Variants in MYPN observed in about 807,000 individuals in gnomAD.
The protein encoded by MYPN is sarcomeric protein myopalladin, 145 kDa (MYOP).
MYPN carries 63 observed loss-of-function variants against 129.4 expected under a neutral mutation model. The ratio of observed to expected loss-of-function variants is 0.49; its 90% CI spans 0.40 to 0.60. The LOEUF (loss-of-function observed/expected upper bound fraction) is 0.60. Among genes scored for constraint, MYPN ranks in the 20% least tolerant of loss-of-function variants. MYPN has a pLI of 0.00. For synonymous variants in MYPN, 629 were observed against 600.9 expected, an observed-to-expected ratio of 1.05 and a Z score of -0.68; for missense variants, 1,596 against 1,635.4, an observed-to-expected ratio of 0.98 and a Z score of 0.42.
intron 19 of MYPN, among the ~76,000 whole-genome samples, chr10:68,207,750 C>T (rs2043840764): frequency 6.6e-6 from 1 of 152,180 alleles, no homozygotes; most frequent in African/African-American, 2.4e-5. Flanking sequence ...ACCTTTAAAT[C>T]TCCCAGACCC....
intron 1 of MYPN, among the ~76,000 whole-genome samples, chr10:68,097,776 T>A (rs1404608252): frequency 7.7e-5 from 8 of 104,424 alleles, no homozygotes; most frequent in Non-Finnish European, 6.9e-5. Flanking sequence ...TATAGCTGAT[T>A]TAAAAAAAAA....
chr10:68,182,452 C>CTT (rs1554848301), intron 12 of MYPN, among the ~76,000 whole-genome samples: 3 of 116,230 alleles, frequency 2.6e-5, no homozygotes, highest in South Asian at 2.7e-4. Flanking sequence ...ATATATATAA[C>CTT]ATATATATAT....
intron 1 of MYPN, among the ~76,000 whole-genome samples, chr10:68,098,128 C>T (rs1016162958): frequency 7.9e-5 from 12 of 152,150 alleles, no homozygotes; most frequent in African/African-American, 2.9e-4. Context: ...CACCTGTAAT[C>T]CCAGCTACTT....
chr10:68,182,252 CACATATATATATA>C (rs1387329703), intron 12 of MYPN, among the ~76,000 whole-genome samples: 7 of 110,202 alleles, frequency 6.4e-5, no homozygotes, highest in African/African-American at 2.0e-4. Flanking sequence ...ATATATAACA[CACATATATATATA>C]ACATATATAT....
rs114853476 is a variant in MYPN, at chr10:68,202,262, C to T, written c.3659+268C>T. Among the ~76,000 whole-genome samples, 4,731 of 152,130 alleles carry T rather than the reference C, an allele frequency of 0.031. 247 individuals are homozygous for T. Among genetic ancestry groups the T allele is most frequent in the African/African-American group, 0.11 (4,448 of 41,482 alleles). On this transcript the variant is annotated intron_variant, in intron 18 of 19. Coordinates refer to ENST00000358913, the MANE Select transcript of MYPN (RefSeq NM_032578.4). ...CCTGGCTAACATAGTGAAACCCTAT[C>T]TTTACTAAAAAATACAAAAAATTAG...
chr10:68,209,585 A>G (rs1164133875), intron 19 of MYPN, among the ~76,000 whole-genome samples: 1 of 149,958 alleles, frequency 6.7e-6, no homozygotes, highest in African/African-American at 2.5e-5. Flanking sequence ...ACTGCCCCTA[A>G]CAGGTCTTCA....
At chr10:68,178,524 G>A (rs530022223) in intron 12 of MYPN, among the ~76,000 whole-genome samples, 122 of 152,034 alleles carry the variant, frequency 8.0e-4, no homozygotes, top group African/African-American at 2.7e-3. Context: ...AGACCAGCCT[G>A]GCCAACAGTG....
chr10:68,152,785 C>T (rs890797247), intron 6 of MYPN, among the ~76,000 whole-genome samples: 9 of 151,848 alleles, frequency 5.9e-5, no homozygotes, highest in African/African-American at 2.2e-4. Flanking sequence ...AGCAGGCGTC[C>T]ACCACCATGC....
chr10:68,205,528 A>G (rs985944127), intron 18 of MYPN, among the ~76,000 whole-genome samples: 1 of 151,852 alleles, frequency 6.6e-6, no homozygotes, highest in Non-Finnish European at 1.5e-5. Flanking sequence ...AAAAAAAAAA[A>G]AAAGAAAAAT....
At position 68,166,456 on chromosome 10, in the gene MYPN, C is replaced by T. The variant is rs199936299; in HGVS notation, c.1763C>T (p.Pro588Leu). The change falls in exon 10 of 20, where the codon CCC (proline) becomes CTC (leucine). Residue 588 changes from proline (P) to leucine (L), a missense_variant. Physicochemically the swap from Pro to Leu is moderately conservative, Grantham distance 98 (BLOSUM62 -3). Coordinates refer to ENST00000358913, the MANE Select transcript of MYPN (RefSeq NM_032578.4). ...LEGVLVNHNE[P>L]RSSSRIGLRV... ...GGGGTTCTGGTGAACCACAATGAGCCCCGGTCCAGCTCCAGGATTGGGCTT... is the reference window on the plus strand; with the variant it reads ...GGGGTTCTGGTGAACCACAATGAGCTCCGGTCCAGCTCCAGGATTGGGCTT... The T allele has an allele frequency of 2.5e-6, 4 of 1,614,122 alleles. No homozygotes were observed. The highest frequency in any genetic ancestry group is 4.5e-5 in the East Asian group (2 of 44,876).
Position 68,164,329 on chromosome 10 carries a change from C to T in MYPN, c.1484-1373C>T, listed in dbSNP as rs80123825. 3.9e-3 allele frequency among the ~76,000 whole-genome samples: 597 copies of T among 152,262 alleles called. 5 individuals carry two copies. Among genetic ancestry groups the T allele is most frequent in the African/African-American group, 0.014 (573 of 41,542 alleles). On this transcript the variant is annotated intron_variant, in intron 8 of 19. Coordinates refer to ENST00000358913, the MANE Select transcript of MYPN (RefSeq NM_032578.4). ...GAGGGGGCCACTCTTACTTTCATGA[C>T]GAACCCACTCCCAAGATAACAACAT... is the stretch of plus-strand genomic sequence containing the variant.
intron 19 of MYPN, among the ~76,000 whole-genome samples, chr10:68,207,183 A>G (rs1175234407): frequency 6.6e-6 from 1 of 152,158 alleles, no homozygotes; most frequent in Non-Finnish European, 1.5e-5. Context: ...GGTTGAACCC[A>G]GGAGGCAGAG....
At chr10:68,153,829 A>G (rs1222789857) in intron 6 of MYPN, among the ~76,000 whole-genome samples, 1 of 151,742 alleles carries the variant, frequency 6.6e-6, no homozygotes, top group East Asian at 1.9e-4. Flanking sequence ...TGCCCTATTT[A>G]CTTGTTTAGG....
At chr10:68,169,164 T>G (rs1589581309) in intron 10 of MYPN, among the ~76,000 whole-genome samples, 1 of 119,584 alleles carries the variant, frequency 8.4e-6, no homozygotes, top group Non-Finnish European at 1.6e-5. Flanking sequence ...GTTAACACGG[T>G]GAAACTCCGT....
rs71009012 is a variant in MYPN, at chr10:68,168,991, TAAAAA to T, written c.1973+2350_1973+2354del. On this transcript the variant is annotated intron_variant, in intron 10 of 19. Coordinates refer to ENST00000358913, the MANE Select transcript of MYPN (RefSeq NM_032578.4). ...TGGGCGACAGAATGAGATTATTTCTTAAAAAAAAAAAAAAAAAAAAAAAAAAAAAG... is the reference window on the plus strand; with the variant it reads ...TGGGCGACAGAATGAGATTATTTCTTAAAAAAAAAAAAAAAAAAAAAAAAG... Among the ~76,000 whole-genome samples the T allele has an allele frequency of 3.5e-3, 279 of 80,308 alleles. 1 individual carries two copies. Among genetic ancestry groups the T allele is most frequent in the African/African-American group, 0.011 (175 of 16,072 alleles). The allele number at this position is 80,308 out of a possible 152,430, so 52.7% of individuals were successfully genotyped here. A position where few individuals can be genotyped will look rare whatever the true frequency, so the allele number is the denominator to read the frequency against.
intron 6 of MYPN, 27 bp from the exon 7 acceptor site, chr10:68,158,459 C>G: frequency 1.2e-6 from 2 of 1,607,026 alleles, no homozygotes; most frequent in Non-Finnish European, 1.7e-6. Context: ...CTTTTTTGTT[C>G]TAACTACATT....
At chr10:68,182,829 A>G (rs545593094) in intron 12 of MYPN, among the ~76,000 whole-genome samples, 3 of 151,688 alleles carry the variant, frequency 2.0e-5, no homozygotes, top group Non-Finnish European at 2.9e-5. Context: ...ATTTTTAAAA[A>G]CTCATTGAGT....
upstream of MYPN, among the ~76,000 whole-genome samples, chr10:68,103,945 T>C (rs1289779315): frequency 1.3e-5 from 2 of 152,228 alleles, no homozygotes; most frequent in Non-Finnish European, 2.9e-5. Context: ...AGTGAAACTC[T>C]GTCTCAAACA....
At chr10:68,169,181 T>TAAAAAAAAAAAAAAAAAA (rs59317396) in intron 10 of MYPN, among the ~76,000 whole-genome samples, 1 of 91,084 alleles carries the variant, frequency 1.1e-5, no homozygotes, top group African/African-American at 6.7e-5. Flanking sequence ...CCGTCTCTAC[T>TAAAAAAAAAAAAAAAAAA]AAAAAAAAAA....
Sources: gnomAD v4.1 joint callset for allele counts (sites outside exome capture counted in the v4.1 genomes callset) on GRCh38, gnomAD v4.1.1 for gene constraint, MANE v1.5 for transcripts, NCBI Gene and HGNC (gene_info 2026-07-23, HGNC 2026-07-21) for gene names.